ADARB2: variants seen among roughly 807,000 people sequenced by gnomAD.
The protein encoded by ADARB2 is adenosine deaminase RNA specific B2 (inactive).
In ADARB2, 25 loss-of-function variants were observed where a neutral mutation model predicts 62.2. The observed-to-expected ratio is 0.40, with a 90% CI of 0.29 to 0.56. ADARB2 has a LOEUF of 0.56. Ranked by LOEUF, ADARB2 falls within the 20% of genes least tolerant of loss-of-function variation. The pLI is 0.43. For synonymous variants in ADARB2, 572 were observed against 500.8 expected, an observed-to-expected ratio of 1.14 and a Z score of -1.90; for missense variants, 1,071 against 1,077.4, an observed-to-expected ratio of 0.99 and a Z score of 0.08.
chr10:1,603,049 C>T (rs1305874426), intron 1 of ADARB2, among the ~76,000 whole-genome samples: 2 of 151,474 alleles, frequency 1.3e-5, no homozygotes, highest in African/African-American at 4.9e-5. Flanking sequence ...CACACGCACA[C>T]ACACCTATAC....
chr10:1,200,371 G>A, intron 7 of ADARB2: 2 of 593,418 alleles, frequency 3.4e-6, no homozygotes, highest in Admixed American at 6.1e-5. Context: ...GCTAACAAAT[G>A]CTGCTCTCTT....
intron 1 of ADARB2, among the ~76,000 whole-genome samples, chr10:1,480,692 ACT>A (rs1831458756): frequency 6.6e-6 from 1 of 151,542 alleles, no homozygotes; most frequent in Non-Finnish European, 1.5e-5. Context: ...AGTGAGTGAG[ACT>A]CTGTTTCAAA....
chr10:1,540,446 G>A (rs962851109), intron 1 of ADARB2, among the ~76,000 whole-genome samples: 5 of 150,674 alleles, frequency 3.3e-5, no homozygotes, highest in African/African-American at 9.8e-5. Context: ...GACGCAATTT[G>A]AACCCCATGA....
chr10:1,678,074 G>T, intron 1 of ADARB2: 3 of 705,606 alleles, frequency 4.3e-6, no homozygotes, highest in Non-Finnish European at 5.2e-6. Flanking sequence ...TACACCACAG[G>T]CCTAGTGGTT....
intron 1 of ADARB2, among the ~76,000 whole-genome samples, chr10:1,399,463 C>T (rs2131870933): frequency 6.6e-6 from 1 of 152,072 alleles, no homozygotes; most frequent in African/African-American, 2.4e-5. Flanking sequence ...GTTTTCATTA[C>T]CACTCAGCAT....
At chr10:1,251,168 T>C (rs1330909613) in intron 4 of ADARB2, among the ~76,000 whole-genome samples, 1 of 144,276 alleles carries the variant, frequency 6.9e-6, no homozygotes, top group East Asian at 1.9e-4. Flanking sequence ...TTGCCAAAAC[T>C]TGGAAACAAG....
intron 1 of ADARB2, among the ~76,000 whole-genome samples, chr10:1,492,717 G>A (rs77318007): frequency 0.017 from 2,535 of 152,200 alleles, 55 homozygotes; most frequent in African/African-American, 0.058. Flanking sequence ...TGTCCCGGGT[G>A]CTGGGGGACC....
At chr10:1,552,281 A>G (rs1401599217) in intron 1 of ADARB2, among the ~76,000 whole-genome samples, 2 of 152,202 alleles carry the variant, frequency 1.3e-5, no homozygotes, top group Admixed American at 1.3e-4. Context: ...AAGTGGATAC[A>G]GCCTCGGGTT....
At chr10:1,396,467 G>A (rs759241048) in intron 1 of ADARB2, among the ~76,000 whole-genome samples, 3 of 152,152 alleles carry the variant, frequency 2.0e-5, no homozygotes, top group Non-Finnish European at 2.9e-5. Flanking sequence ...CCAGGCACGT[G>A]CTGTGTCCCA....
chr10:1,226,877 G>A (rs910816367), intron 6 of ADARB2, among the ~76,000 whole-genome samples: 1 of 126,896 alleles, frequency 7.9e-6, no homozygotes, highest in Non-Finnish European at 1.7e-5. Context: ...CAGTCCACCC[G>A]ATCTCAGCTC....
chr10:1,714,187 G>A (rs1358980828), intron 1 of ADARB2, among the ~76,000 whole-genome samples: 2 of 152,208 alleles, frequency 1.3e-5, no homozygotes, highest in Non-Finnish European at 2.9e-5. Flanking sequence ...TACAGTCAGT[G>A]TTCCACATGA....
rs973448315 is a variant in ADARB2 at position 1,666,156 on chromosome 10, T to C, written c.100+70895A>G. Among the ~76,000 whole-genome samples the C allele has an allele frequency of 5.3e-5, 8 of 151,736 alleles. No individual in the cohort carries two copies. The East Asian group carries it at 1.6e-3, about 29-fold the overall frequency. ...CACCGCTATAAAATGCCACGAGAGG[T>C]GCGCACAAGGGTTCAGGGCTGCATA... is the stretch of plus-strand genomic sequence containing the variant. On this transcript the variant is annotated intron_variant, in intron 1 of 9. Transcript: ENST00000381312.
chr10:1,556,948 A>G (rs1832713645), intron 1 of ADARB2: 1 of 418,804 alleles, frequency 2.4e-6, no homozygotes, highest in South Asian at 1.8e-5. Context: ...TATGAAGGTA[A>G]TAACTTGGTC....
Position 1,704,674 on chromosome 10 carries a change from A to G in ADARB2, c.100+32377T>C, listed in dbSNP as rs937790510. On this transcript the variant is annotated intron_variant, in intron 1 of 9. Coordinates refer to ENST00000381312, the MANE Select transcript of ADARB2 (RefSeq NM_018702.4). The surrounding 1 kb of genome is among the most constrained non-coding windows in gnomAD (Gnocchi z 5.6). The stretch of plus-strand genomic sequence containing the variant: ...AAGCATCTAACTCTGGGGTTTTGTG[A>G]GGGGTACATATAAAGTGGTTTGGAA... Among the ~76,000 whole-genome samples, 3 of 152,194 alleles carry G rather than the reference A, an allele frequency of 2.0e-5. No individual in the cohort carries two copies. Among genetic ancestry groups the G allele is most frequent in the African/African-American group, 7.2e-5 (3 of 41,444 alleles).
chr10:1,533,663 C>T (rs1832279048), intron 1 of ADARB2, among the ~76,000 whole-genome samples: 1 of 152,212 alleles, frequency 6.6e-6, no homozygotes, highest in Non-Finnish European at 1.5e-5. Flanking sequence ...TTAATGATTT[C>T]TGAGCATATT....
At chr10:1,419,473 T>A (rs1043522382) in intron 1 of ADARB2, among the ~76,000 whole-genome samples, 2 of 152,156 alleles carry the variant, frequency 1.3e-5, no homozygotes, top group Non-Finnish European at 2.9e-5. Flanking sequence ...ATATGAGAAG[T>A]TTATCTTGGC....
intron 1 of ADARB2, among the ~76,000 whole-genome samples, chr10:1,538,684 C>A (rs1051031283): frequency 6.6e-6 from 1 of 152,188 alleles, no homozygotes; most frequent in Non-Finnish European, 1.5e-5. Flanking sequence ...TAGGCTGAGG[C>A]CAGGCATGCC....
At chr10:1,284,896 C>T (rs1329159980) in intron 3 of ADARB2, among the ~76,000 whole-genome samples, 1 of 152,156 alleles carries the variant, frequency 6.6e-6, no homozygotes, top group Non-Finnish European at 1.5e-5. Flanking sequence ...GGCCCACCTT[C>T]AGTCCTTGAG....
intron 1 of ADARB2, among the ~76,000 whole-genome samples, chr10:1,732,190 A>T (rs12264402): frequency 6.6e-6 from 1 of 151,922 alleles, no homozygotes; most frequent in East Asian, 1.9e-4. Context: ...ATATACATAC[A>T]TACATAGTAA....
Sources: gnomAD v4.1 joint callset for allele counts (sites outside exome capture counted in the v4.1 genomes callset) on GRCh38, gnomAD v4.1.1 for gene constraint, Gnocchi (gnomAD v3.1) non-coding constraint, MANE v1.5 for transcripts, NCBI Gene and HGNC (gene_info 2026-07-23, HGNC 2026-07-21) for gene names.